PLEKHA8: variants seen among roughly 807,000 people sequenced by gnomAD.
PLEKHA8 encodes the protein pleckstrin homology domain-containing family A member 8.
A neutral mutation model predicts 68.2 loss-of-function variants in PLEKHA8; 36 were observed. The observed-to-expected ratio is 0.53, with a 90% CI of 0.40 to 0.70. The LOEUF (loss-of-function observed/expected upper bound fraction) is 0.70, where lower values mean the gene tolerates loss of function less well. PLEKHA8 is among the 30% of genes least tolerant of loss of function. The pLI is 0.00. For missense variants in PLEKHA8, 505 were observed against 615.4 expected, an observed-to-expected ratio of 0.82 and a Z score of 1.90; for synonymous variants, 211 against 216.1, an observed-to-expected ratio of 0.98 and a Z score of 0.20.
intron 12 of PLEKHA8, 50 bp from the exon 13 acceptor site, chr7:30,074,021 C>A: frequency 6.8e-7 from 1 of 1,477,846 alleles, no homozygotes; most frequent in Non-Finnish European, 9.4e-7. Context: ...ACAAATAGCA[C>A]ATCAAATTCT....
intron 13 of PLEKHA8, among the ~76,000 whole-genome samples, chr7:30,128,625 T>C (rs1207920047): frequency 6.6e-6 from 1 of 152,246 alleles, no homozygotes; most frequent in East Asian, 1.9e-4. Context: ...CTTTTTCTAA[T>C]ACTTAGTGGT....
At chr7:30,074,202 T>A (rs1209827560) in intron 13 of PLEKHA8, 70 bp downstream of exon 13, 1 of 1,377,450 alleles carries the variant, frequency 7.3e-7, no homozygotes, top group Non-Finnish European at 1.0e-6. Context: ...TAGAAATCTC[T>A]TCTTACCCAG....
chr7:30,103,721 A>C (rs923107448), intron 13 of PLEKHA8, among the ~76,000 whole-genome samples: 9 of 152,366 alleles, frequency 5.9e-5, no homozygotes, highest in Middle Eastern at 6.8e-3. Flanking sequence ...TCTATGGAAA[A>C]GATAAACCTC....
At chr7:30,048,045 ATTTT>A in intron 4 of PLEKHA8, 89 bp downstream of exon 4, 3 of 761,708 alleles carry the variant, frequency 3.9e-6, no homozygotes, top group Non-Finnish European at 5.2e-6. Flanking sequence ...GTAAAATATT[ATTTT>A]ATTAATATTA....
In PLEKHA8 at chr7:30,054,713, A is replaced by G. The variant is rs111669491; in HGVS notation, c.801A>G (p.Gln267=). 1,232 of 1,578,328 alleles carry G rather than the reference A, an allele frequency of 7.8e-4. 13 individuals carry two copies. The African/African-American group carries it at 0.015, about 19-fold the overall frequency. The change falls in exon 8 of 14, where the codon CAA becomes CAG. Residue 267 remains glutamine, a synonymous_variant. Transcript: ENST00000449726. Reference sequence around the variant, plus strand: ...TAGATATTTTCTACTTTGCAGTCCAAGGTGAAATAAGGAAGGAAGATGGAA... The same window carrying G: ...TAGATATTTTCTACTTTGCAGTCCAGGGTGAAATAAGGAAGGAAGATGGAA... ...EENTDDNITV[Q]GEIRKEDGME... is the part of the protein sequence containing the mutation.
At chr7:30,053,935 T>C (rs150489342) in intron 7 of PLEKHA8, among the ~76,000 whole-genome samples, 3 of 152,346 alleles carry the variant, frequency 2.0e-5, no homozygotes, top group African/African-American at 2.4e-5. Flanking sequence ...AAAGACACTT[T>C]AATATGTATT....
chr7:30,035,762 G>A (rs957043840), intron 1 of PLEKHA8, among the ~76,000 whole-genome samples: 18 of 151,942 alleles, frequency 1.2e-4, no homozygotes, highest in Non-Finnish European at 1.9e-4. Flanking sequence ...CTCTACCTCA[G>A]CCTCCCAAGT....
chr7:30,040,570 C>A (rs949022235), intron 1 of PLEKHA8, among the ~76,000 whole-genome samples: 2 of 152,156 alleles, frequency 1.3e-5, no homozygotes, highest in African/African-American at 4.8e-5. Context: ...ACATACCCAC[C>A]CTGGAGCTGG....
intron 3 of PLEKHA8, 38 bp from the exon 4 acceptor site, chr7:30,047,794 T>C (rs1792071406): frequency 6.3e-7 from 1 of 1,587,260 alleles, no homozygotes; most frequent in East Asian, 2.3e-5. Flanking sequence ...ATCAGTTGTT[T>C]GTTCTGGTTA....
At chr7:30,115,894 A>ACGTG (rs1562558257) in intron 13 of PLEKHA8, 1 of 143,500 alleles carries the variant, frequency 7.0e-6, no homozygotes, top group Non-Finnish European at 1.5e-5. Flanking sequence ...ACATGCGTAT[A>ACGTG]CATGCATGTA....
At chr7:30,072,335 ATT>A (rs1305300639) in intron 12 of PLEKHA8, among the ~76,000 whole-genome samples, 1 of 152,234 alleles carries the variant, frequency 6.6e-6, no homozygotes, top group African/African-American at 2.4e-5. Context: ...TGCAATATGT[ATT>A]GAGTATGTAT....
intron 13 of PLEKHA8, among the ~76,000 whole-genome samples, chr7:30,109,604 AAAAAAAAAAGAG>A (rs1437839575): frequency 9.8e-5 from 14 of 142,576 alleles, no homozygotes; most frequent in East Asian, 3.9e-4. Context: ...AAAAAAAAAA[AAAAAAAAAAGAG>A]AGAGAGATTA....
chr7:30,066,340 A>G (rs1288527811), intron 12 of PLEKHA8, among the ~76,000 whole-genome samples: 1 of 152,176 alleles, frequency 6.6e-6, no homozygotes, highest in African/African-American at 2.4e-5. Flanking sequence ...TTTCTGGAAA[A>G]TGCATCTCTA....
intron 13 of PLEKHA8, among the ~76,000 whole-genome samples, chr7:30,115,528 G>A (rs1358818271): frequency 6.8e-6 from 1 of 147,702 alleles, no homozygotes; most frequent in Non-Finnish European, 1.5e-5. Context: ...ACGTATACAT[G>A]TAGACATATG....
rs750474806 is a variant in PLEKHA8, at chr7:30,028,798, G to A, written c.36G>A (p.Leu12=). 2 of 1,271,672 alleles carry A rather than the reference G, an allele frequency of 1.6e-6. No homozygotes were observed. Among genetic ancestry groups the A allele is most frequent in the Admixed American group, 7.7e-5 (2 of 25,944 alleles). 78.8% of individuals were successfully genotyped at this position (1,271,672 alleles called of 1,614,324 possible). A position where few individuals can be genotyped will look rare whatever the true frequency, so the allele number is the denominator to read the frequency against. Residue 12 remains leucine (L), a synonymous_variant, in exon 1 of 14, where the codon CTG becomes CTA. Coordinates refer to ENST00000449726, the MANE Select transcript of PLEKHA8 (RefSeq NM_001197026.2). The stretch of plus-strand genomic sequence containing the variant: ...TGCTGTACAAGTGGACCAACTATCT[G>A]AGCGGTGAGTGGCCGTGCCGGGCCG... ...EGVLYKWTNY[L]SGWQPRWFLL...
At chr7:30,121,835 T>A (rs1239375406) in intron 13 of PLEKHA8, among the ~76,000 whole-genome samples, 1 of 152,204 alleles carries the variant, frequency 6.6e-6, no homozygotes, top group Non-Finnish European at 1.5e-5. Context: ...GCTGGCCTTG[T>A]CAATGTGGTT....
At chr7:30,106,306 G>C (rs1047770696) in intron 13 of PLEKHA8, among the ~76,000 whole-genome samples, 1 of 152,148 alleles carries the variant, frequency 6.6e-6, no homozygotes. Context: ...CAAATGATCT[G>C]TCTGCCTTGG....
At chr7:30,092,929 T>C (rs1167472037), downstream of PLEKHA8, among the ~76,000 whole-genome samples, 1 of 152,200 alleles carries the variant, frequency 6.6e-6, no homozygotes, top group East Asian at 1.9e-4. Context: ...TTTCTGGTTA[T>C]GTAAGTCAGT....
intron 13 of PLEKHA8, among the ~76,000 whole-genome samples, chr7:30,108,080 A>AC (rs1270483325): frequency 2.0e-5 from 3 of 151,064 alleles, no homozygotes; most frequent in African/African-American, 7.3e-5. Flanking sequence ...AAAAAAAAAA[A>AC]AAAAAAAAAA....
Sources: allele counts gnomAD v4.1 joint callset (sites outside exome capture counted in the v4.1 genomes callset), GRCh38; gene constraint gnomAD v4.1.1; transcripts MANE v1.5; gene names NCBI Gene and HGNC (gene_info 2026-07-23, HGNC 2026-07-21).